The following CLCA4 variants were observed in gnomAD, a reference collection of about 807,000 sequenced individuals.
CLCA4 encodes the protein calcium-activated chloride channel regulator 4.
Under a neutral mutation model 78.9 loss-of-function variants are expected in CLCA4, and 69 were observed. The observed-to-expected ratio is 0.87, with a 90% CI of 0.72 to 1.07. CLCA4 has a LOEUF of 1.07. Among genes scored for constraint, CLCA4 ranks in the 50% least tolerant of loss-of-function variants. CLCA4 has a pLI of 0.00. For synonymous variants in CLCA4, 362 were observed against 375.8 expected (o/e 0.96, Z 0.42); for missense variants, 1,133 against 1,095.8 (o/e 1.03, Z -0.48).
intron 1 of CLCA4, among the ~76,000 whole-genome samples, chr1:86,554,231 G>A (rs925133932): frequency 1.6e-4 from 24 of 152,066 alleles, no homozygotes; most frequent in Non-Finnish European, 2.9e-4. Flanking sequence ...CATTATAAGT[G>A]AGAACATGTA....
chr1:86,575,096 G>C (rs564143411), intron 10 of CLCA4, among the ~76,000 whole-genome samples: 1 of 152,062 alleles, frequency 6.6e-6, no homozygotes, highest in Admixed American at 6.6e-5. Context: ...CAAAACCAAG[G>C]CAAACCTTCT....
At chr1:86,563,423 C>T (rs1021626505) in intron 3 of CLCA4, among the ~76,000 whole-genome samples, 1 of 151,334 alleles carries the variant, frequency 6.6e-6, no homozygotes, top group African/African-American at 2.4e-5. Context: ...GCATATCCTC[C>T]CTTATTGTTT....
intron 11 of CLCA4, 92 bp downstream of exon 11, chr1:86,575,691 C>T: frequency 1.7e-6 from 2 of 1,143,664 alleles, no homozygotes; most frequent in Non-Finnish European, 1.3e-6. Flanking sequence ...AGACAGGCAA[C>T]AGAATTGATG....
rs1284214169 is a variant in CLCA4, at chr1:86,575,511, T to C, written c.1863T>C (p.Tyr621=). ...TTTACGCAGAAATTCTACAAGGATATGTACCTGTTCTTGGAGCCAATGTGA... is the reference window on the plus strand; with the variant it reads ...TTTACGCAGAAATTCTACAAGGATACGTACCTGTTCTTGGAGCCAATGTGA... The part of the protein sequence containing the change: ...MIVYAEILQG[Y]VPVLGANVTA... Residue 621 remains tyrosine, a synonymous_variant, in exon 11 of 14, where the codon TAT becomes TAC. Coordinates refer to ENST00000370563, the MANE Select transcript of CLCA4 (RefSeq NM_012128.4). 1.2e-6 allele frequency: 2 copies of C among 1,613,444 alleles called. No homozygotes were observed. Among genetic ancestry groups the C allele is most frequent in the Admixed American group, 3.3e-5 (2 of 59,948 alleles).
At position 86,571,186 on chromosome 1, in the gene CLCA4, C is replaced by A; in HGVS notation, c.1292C>A (p.Ala431Asp). 1 of 1,612,846 alleles carries A rather than the reference C, an allele frequency of 6.2e-7. No homozygotes were observed. The highest frequency in any genetic ancestry group is 8.5e-7 in the Non-Finnish European group (1 of 1,179,140). Reference protein sequence around the residue: ...SCIDEVKQSGAIVHFIALGRA... With the variant: ...SCIDEVKQSGDIVHFIALGRA... Reference sequence around the variant, plus strand: ...ATTGATGAAGTGAAACAAAGTGGGGCCATTGTTCATTTTATTGCTTTGGGA... The same window carrying A: ...ATTGATGAAGTGAAACAAAGTGGGGACATTGTTCATTTTATTGCTTTGGGA... Residue 431 changes from alanine to aspartate, a missense_variant, in exon 8 of 14, where the codon GCC (alanine) becomes GAC (aspartate). By Grantham distance (126) the Ala-to-Asp change is moderately radical (BLOSUM62 -2). Transcript: ENST00000370563.
intron 12 of CLCA4, among the ~76,000 whole-genome samples, chr1:86,578,439 A>C (rs552131511): frequency 7.2e-5 from 11 of 151,984 alleles, no homozygotes; most frequent in Admixed American, 4.6e-4. Flanking sequence ...ATTTTTTCTG[A>C]CCCTCTCCCT....
chr1:86,579,313 A>C (rs752802067), intron 12 of CLCA4, 41 bp from the exon 13 acceptor site: 2 of 1,370,490 alleles, frequency 1.5e-6, no homozygotes, highest in East Asian at 2.3e-5. Flanking sequence ...AATAAATACC[A>C]GTAGTTTTGC....
chr1:86,554,168 C>G (rs1013258684), intron 1 of CLCA4, among the ~76,000 whole-genome samples: 1 of 152,092 alleles, frequency 6.6e-6, no homozygotes, highest in Admixed American at 6.5e-5. Context: ...CAAGTAGACC[C>G]CAGTGTCTCT....
At chr1:86,567,161 A>G (rs1395942595) in intron 6 of CLCA4, among the ~76,000 whole-genome samples, 1 of 151,840 alleles carries the variant, frequency 6.6e-6, no homozygotes, top group African/African-American at 2.4e-5. Context: ...TCCCCACCCT[A>G]CCTTCCACCT....
chr1:86,556,351 G>A (rs904050582), intron 1 of CLCA4, among the ~76,000 whole-genome samples: 1 of 152,096 alleles, frequency 6.6e-6, no homozygotes, highest in Admixed American at 6.5e-5. Flanking sequence ...GTCATAGATG[G>A]CTCTCATTAT....
Position 86,580,556 on chromosome 1 carries a change from G to A in CLCA4, c.*211G>A. Reference sequence around the variant, plus strand: ...AAACTGTCAAGATTAAAATTTAATAGTTTCATTTATTTGTTATTTTATTTG... The same window carrying A: ...AAACTGTCAAGATTAAAATTTAATAATTTCATTTATTTGTTATTTTATTTG... On this transcript the variant is annotated 3_prime_UTR_variant, in exon 14 of 14. Coordinates refer to ENST00000370563, the MANE Select transcript of CLCA4 (RefSeq NM_012128.4). 1 of 389,684 alleles carries A rather than the reference G, an allele frequency of 2.6e-6. No individual in the cohort carries two copies. The highest frequency in any genetic ancestry group is 4.5e-6 in the Non-Finnish European group (1 of 222,110). The allele number at this position is 389,684 out of a possible 1,614,324, so 24.1% of individuals were successfully genotyped here. A position where few individuals can be genotyped will look rare whatever the true frequency, so the allele number is the denominator to read the frequency against.
intron 7 of CLCA4, among the ~76,000 whole-genome samples, chr1:86,568,199 C>T (rs1251535566): frequency 6.6e-6 from 1 of 151,726 alleles, no homozygotes; most frequent in Non-Finnish European, 1.5e-5. Context: ...TAATCTTAGG[C>T]TAACCTTTCA....
chr1:86,553,110 T>C, intron 1 of CLCA4: 1 of 758,944 alleles, frequency 1.3e-6, no homozygotes, highest in Non-Finnish European at 2.3e-6. Context: ...GTGTGCGCCG[T>C]ATCCCATCCT....
intron 7 of CLCA4, among the ~76,000 whole-genome samples, chr1:86,569,970 G>T (rs200071117): frequency 6.6e-6 from 1 of 152,074 alleles, no homozygotes; most frequent in African/African-American, 2.4e-5. Flanking sequence ...ACTTAAATGC[G>T]TGGGAGAAGT....
intron 3 of CLCA4, among the ~76,000 whole-genome samples, chr1:86,562,554 CTT>C (rs1650054358): frequency 6.6e-6 from 1 of 151,062 alleles, no homozygotes; most frequent in Admixed American, 6.6e-5. Flanking sequence ...ATAGCAAAGA[CTT>C]AAAAAAGAAA....
At chr1:86,560,580 C>T (rs1186742852) in intron 3 of CLCA4, among the ~76,000 whole-genome samples, 3 of 152,164 alleles carry the variant, frequency 2.0e-5, no homozygotes, top group African/African-American at 4.8e-5. Context: ...ATTTGTTCTA[C>T]ATTAAACTAG....
In CLCA4 at chr1:86,577,951, A is replaced by T. The variant is rs748489096; in HGVS notation, c.2001A>T (p.Ala667=). ...NDGVYSRYFT[A]YTENGRYSLK... is the part of the protein sequence containing the mutation. ...GAGTCTACTCCAGGTATTTTACAGC[A>T]TATACAGAAAATGGCAGATATAGCT... Residue 667 remains alanine (A), a synonymous_variant, in exon 12 of 14, where the codon GCA becomes GCT. Transcript: ENST00000370563. 6.2e-7 allele frequency: 1 copy of T among 1,612,932 alleles called. No homozygotes were observed. Among genetic ancestry groups the T allele is most frequent in the South Asian group, 1.1e-5 (1 of 91,040 alleles).
chr1:86,560,096 A>T (rs778500006), intron 2 of CLCA4, 24 bp downstream of exon 2: 1 of 1,563,150 alleles, frequency 6.4e-7, no homozygotes, highest in Admixed American at 2.1e-5. Flanking sequence ...TATTCTCTTA[A>T]AAAATTATAT....
chr1:86,564,722 G>A (rs7543253), intron 4 of CLCA4, among the ~76,000 whole-genome samples: 6,045 of 152,076 alleles, frequency 0.04, 394 homozygotes, highest in African/African-American at 0.14. Context: ...TAAAACATAG[G>A]TCTAAAATGT....
Sources: allele counts gnomAD v4.1 joint callset (sites outside exome capture counted in the v4.1 genomes callset), GRCh38; gene constraint gnomAD v4.1.1; transcripts MANE v1.5; gene names NCBI Gene and HGNC (gene_info 2026-07-23, HGNC 2026-07-21).